Variants in SIAH3 observed in about 807,000 individuals in gnomAD.
SIAH3 encodes seven in absentia homolog 3.
Under a neutral mutation model 12.6 loss-of-function variants are expected in SIAH3, and 9 were observed. The observed-to-expected ratio is 0.72, with a 90% CI of 0.43 to 1.25. The LOEUF is 1.25. SIAH3 is among the 50% of genes most tolerant of loss of function. The probability of loss-of-function intolerance (pLI) is 0.00; values close to 1 mark genes in which losing one functional copy is unlikely to be tolerated. For synonymous variants in SIAH3, 154 were observed against 151.1 expected (o/e 1.02, Z -0.14); for missense variants, 390 against 365.4 (o/e 1.07, Z -0.55).
chr13:45,799,677 G>T (rs58242564), intron 1 of SIAH3, among the ~76,000 whole-genome samples: 6 of 152,162 alleles, frequency 3.9e-5, no homozygotes, highest in Admixed American at 1.3e-4. Context: ...GCTGCAGAGT[G>T]TGGGCACTGT....
intron 1 of SIAH3, among the ~76,000 whole-genome samples, chr13:45,800,275 G>A (rs1950577079): frequency 1.3e-5 from 2 of 152,142 alleles, no homozygotes; most frequent in South Asian, 4.1e-4. Context: ...TGCGTCAAGA[G>A]ATGTAGCTGA....
At chr13:45,784,241 T>C (rs1464679515) in intron 1 of SIAH3, among the ~76,000 whole-genome samples, 184 bp from the exon 2 acceptor site, 1 of 151,506 alleles carries the variant, frequency 6.6e-6, no homozygotes, top group Non-Finnish European at 1.5e-5. Context: ...GTGGGCGCCT[T>C]GGGGTGGGGG....
chr13:45,808,747 C>A (rs1425690224), intron 1 of SIAH3, among the ~76,000 whole-genome samples: 1 of 152,132 alleles, frequency 6.6e-6, no homozygotes, highest in East Asian at 1.9e-4. Flanking sequence ...ATAGGCCCCC[C>A]AAAACTTGGA....
At chr13:45,838,308 GT>G (rs544048278) in intron 1 of SIAH3, among the ~76,000 whole-genome samples, 3 of 152,296 alleles carry the variant, frequency 2.0e-5, no homozygotes, top group Non-Finnish European at 4.4e-5. Context: ...TCGCCTTTCT[GT>G]TTCTAATTTC....
intron 1 of SIAH3, among the ~76,000 whole-genome samples, chr13:45,817,968 C>A (rs1950640305): frequency 6.6e-6 from 1 of 152,102 alleles, no homozygotes; most frequent in African/African-American, 2.4e-5. Context: ...CAGTAGAGGC[C>A]CAGCCTGCAT....
intron 1 of SIAH3, among the ~76,000 whole-genome samples, chr13:45,786,867 T>A (rs1010451787): frequency 2.0e-4 from 31 of 152,180 alleles, no homozygotes; most frequent in African/African-American, 6.8e-4. Flanking sequence ...ACAGATAGAA[T>A]GTCCTGAAAT....
chr13:45,783,805 T>G lies in SIAH3; in HGVS notation c.388A>C (p.Ile130Leu), dbSNP rs769430951. Residue 130 changes from isoleucine (I) to leucine (L), a missense_variant, in exon 2 of 2, where the codon ATC (isoleucine) becomes CTC (leucine). By Grantham distance (5) the Ile-to-Leu change is conservative. Transcript: ENST00000400405. The part of the protein sequence containing the change: ...LEVVVPHLRQ[I>L]HRVDILQGAE... ...CCCTGGAGGATGTCAACCCTATGGA[T>G]CTGCCGCAGGTGGGGCACCACCACC... 6.2e-7 allele frequency: 1 copy of G among 1,614,138 alleles called. No individual in the cohort carries two copies. Among genetic ancestry groups the G allele is most frequent in the Admixed American group, 1.7e-5 (1 of 60,020 alleles).
At chr13:45,822,664 A>AAC (rs35659029) in intron 1 of SIAH3, among the ~76,000 whole-genome samples, 56,827 of 150,370 alleles carry the variant, frequency 0.38, 13,426 homozygotes, top group East Asian at 0.81. Flanking sequence ...TTTGAAAATG[A>AAC]ACTTATTTTT....
chr13:45,846,193 G>C (rs1462799629), intron 1 of SIAH3, among the ~76,000 whole-genome samples: 1 of 143,030 alleles, frequency 7.0e-6, no homozygotes, highest in Non-Finnish European at 1.5e-5. Flanking sequence ...GGGTTCAAGC[G>C]ATTCTTCTGC....
At chr13:45,851,150 G>A (rs1950779801) in intron 1 of SIAH3, among the ~76,000 whole-genome samples, 1 of 152,086 alleles carries the variant, frequency 6.6e-6, no homozygotes, top group African/African-American at 2.4e-5. Context: ...CTGAGCACTT[G>A]CCCACAAATA....
intron 1 of SIAH3, among the ~76,000 whole-genome samples, chr13:45,836,750 T>A (rs1290449270): frequency 6.6e-6 from 1 of 152,162 alleles, no homozygotes; most frequent in Non-Finnish European, 1.5e-5. Flanking sequence ...AACCTTCACA[T>A]CCTGCACGTG....
chr13:45,777,556 G>A lies in SIAH3; in HGVS notation c.*5827C>T, dbSNP rs894357527. ...TTCATGTGATGACCTGATTTGGGGG[G>A]AAATTAATGTTTATCTACACTAGAT... On this transcript the variant is annotated 3_prime_UTR_variant, in exon 2 of 2. Coordinates refer to ENST00000400405, the MANE Select transcript of SIAH3 (RefSeq NM_198849.3). 15 of 152,112 alleles carry A rather than the reference G, an allele frequency of 9.9e-5. No individual in the cohort carries two copies. The East Asian group carries it at 2.7e-3, about 27-fold the overall frequency. The allele number at this position is 152,112 out of a possible 1,614,324, so 9.4% of individuals were successfully genotyped here.
chr13:45,811,416 G>C (rs879102717), intron 1 of SIAH3, among the ~76,000 whole-genome samples: 1 of 152,180 alleles, frequency 6.6e-6, no homozygotes, highest in Non-Finnish European at 1.5e-5. Flanking sequence ...GTAATAGAAC[G>C]TTTTGAAAGG....
At chr13:45,801,144 G>A (rs115583901) in intron 1 of SIAH3, among the ~76,000 whole-genome samples, 2,576 of 151,870 alleles carry the variant, frequency 0.017, 72 homozygotes, top group African/African-American at 0.057. Context: ...CCGGGAGTTC[G>A]CCAGCGCCTG....
At chr13:45,843,034 C>CTGTGTGTGTGTG (rs55772614) in intron 1 of SIAH3, among the ~76,000 whole-genome samples, 15 of 139,186 alleles carry the variant, frequency 1.1e-4, no homozygotes, top group East Asian at 4.7e-4. Flanking sequence ...CTCTCTCTCT[C>CTGTGTGTGTGTG]TGTGTGTGTG....
chr13:45,846,124 T>C (rs1372730342), intron 1 of SIAH3, among the ~76,000 whole-genome samples: 2 of 133,662 alleles, frequency 1.5e-5, no homozygotes. Flanking sequence ...AGTTTCGCTC[T>C]TGTTGCCCAG....
chr13:45,821,730 A>G (rs1202679525), intron 1 of SIAH3, among the ~76,000 whole-genome samples: 1 of 152,212 alleles, frequency 6.6e-6, no homozygotes, highest in East Asian at 1.9e-4. Context: ...GGCCCCTAGG[A>G]AATAGCTGCG....
At chr13:45,838,219 T>G (rs1338310681) in intron 1 of SIAH3, among the ~76,000 whole-genome samples, 1 of 152,168 alleles carries the variant, frequency 6.6e-6, no homozygotes, top group Non-Finnish European at 1.5e-5. Flanking sequence ...GAACTGCAAA[T>G]GAAAGCTTAG....
chr13:45,802,931 G>A (rs1156911141), intron 1 of SIAH3, among the ~76,000 whole-genome samples: 1 of 152,158 alleles, frequency 6.6e-6, no homozygotes, highest in Non-Finnish European at 1.5e-5. Context: ...AATTAGCTGG[G>A]CGTGGTGGCG....
Sources: gnomAD v4.1 joint callset for allele counts (sites outside exome capture counted in the v4.1 genomes callset) on GRCh38, gnomAD v4.1.1 for gene constraint, MANE v1.5 for transcripts, NCBI Gene and HGNC (gene_info 2026-07-23, HGNC 2026-07-21) for gene names.